STIP1: variants seen among roughly 807,000 people sequenced by gnomAD.
The protein encoded by STIP1 is stress induced phosphoprotein 1.
STIP1 carries 16 observed loss-of-function variants against 77.4 expected under a neutral mutation model. That is an observed-to-expected ratio of 0.21 (90% CI 0.14 to 0.31). The LOEUF (loss-of-function observed/expected upper bound fraction) is 0.31. Among genes scored for constraint, STIP1 ranks in the 10% least tolerant of loss-of-function variants. STIP1 has a pLI of 1.00. For synonymous variants in STIP1, 258 were observed against 246.6 expected, an observed-to-expected ratio of 1.05 and a Z score of -0.44; for missense variants, 524 against 684.8, an observed-to-expected ratio of 0.77 and a Z score of 2.62.
chr11:64,192,818 G>A (rs970602673), intron 1 of STIP1, among the ~76,000 whole-genome samples: 4 of 152,220 alleles, frequency 2.6e-5, no homozygotes, highest in Admixed American at 1.3e-4. Flanking sequence ...TGTGGAGACC[G>A]GAAGAGTGGC....
intron 1 of STIP1, among the ~76,000 whole-genome samples, chr11:64,187,966 G>A (rs1418247400): frequency 1.3e-5 from 2 of 149,318 alleles, no homozygotes; most frequent in Non-Finnish European, 3.0e-5. Context: ...TTGCGCCACT[G>A]CACTCCAGCC....
In STIP1 at chr11:64,193,871, C is replaced by T. The variant is rs12280435; in HGVS notation, c.220-318C>T. Among the ~76,000 whole-genome samples the T allele has an allele frequency of 7.3e-3, 1,104 of 152,012 alleles. 9 individuals carry two copies. The highest frequency in any genetic ancestry group is 0.023 in the African/African-American group (973 of 41,456). ...GTTGAGGCAGGAGGATTACTGGAGC[C>T]CAAAGGTTTGGGACCAGCCTGGGTA... On this transcript the variant is annotated intron_variant, in intron 2 of 13. Coordinates refer to ENST00000305218, the MANE Select transcript of STIP1 (RefSeq NM_006819.3).
In STIP1 at chr11:64,196,832, T is replaced by C. The variant is rs149733966; in HGVS notation, c.673-439T>C. Reference sequence around the variant, plus strand: ...GGTAGTGAGCTTTGCTGAAGACTCGTGCCACTCAGCCGCTTCTCATCCTCT... The same window carrying C: ...GGTAGTGAGCTTTGCTGAAGACTCGCGCCACTCAGCCGCTTCTCATCCTCT... On this transcript the variant is annotated intron_variant, in intron 5 of 13. Coordinates refer to ENST00000305218, the MANE Select transcript of STIP1 (RefSeq NM_006819.3). 6.4e-3 allele frequency: 1,086 copies of C among 169,848 alleles called. 8 individuals are homozygous for C. Among genetic ancestry groups the C allele is most frequent in the Non-Finnish European group, 0.01 (808 of 77,536 alleles). The allele number at this position is 169,848 out of a possible 1,614,324, so 10.5% of individuals were successfully genotyped here.
At chr11:64,196,785 A>G (rs1946155392) in intron 5 of STIP1, 1 of 158,374 alleles carries the variant, frequency 6.3e-6, no homozygotes, top group African/African-American at 2.4e-5. Context: ...TCTCAGCTGG[A>G]AAAAGGCCCT....
chr11:64,186,207 T>G lies in STIP1; in HGVS notation c.-55T>G, dbSNP rs1048895685. On this transcript the variant is annotated 5_prime_UTR_variant, in exon 1 of 14. Transcript: ENST00000305218. ...GGTTCCAGAAGGCGGCGCGTGCGGT[T>G]GGGAACGCGGAGCGGACGGATTCGA... 1.3e-6 allele frequency: 2 copies of G among 1,550,166 alleles called. No individual in the cohort carries two copies. The highest frequency in any genetic ancestry group is 1.2e-5 in the South Asian group (1 of 84,032).
chr11:64,195,751 C>A lies in STIP1; in HGVS notation c.610C>A (p.Pro204Thr). 5 of 1,614,080 alleles carry A rather than the reference C, an allele frequency of 3.1e-6. No homozygotes were observed. Among genetic ancestry groups the A allele is most frequent in the Non-Finnish European group, 4.2e-6 (5 of 1,180,016 alleles). Residue 204 changes from proline to threonine, a missense_variant, in exon 5 of 14, where the codon CCT becomes ACT. Coordinates refer to ENST00000305218, the MANE Select transcript of STIP1 (RefSeq NM_006819.3). ...GATTGCAACACCTCCACCACCACCC[C>A]CTCCCAAAAAGGAGACCAAGCCAGA... ...EEIATPPPPP[P>T]PKKETKPEPM...
chr11:64,198,804 C>G (rs1946180917), intron 8 of STIP1, among the ~76,000 whole-genome samples: 1 of 146,064 alleles, frequency 6.8e-6, no homozygotes, highest in African/African-American at 2.5e-5. Flanking sequence ...GATTTCAACC[C>G]TAAATGTGTT....
At chr11:64,198,887 T>C (rs1946181974) in intron 8 of STIP1, among the ~76,000 whole-genome samples, 2 of 151,862 alleles carry the variant, frequency 1.3e-5, no homozygotes, top group Admixed American at 6.6e-5. Flanking sequence ...TTATAAAGAC[T>C]GTAAATTTCT....
chr11:64,199,502 A>T (rs539760670), intron 8 of STIP1, among the ~76,000 whole-genome samples: 4 of 131,152 alleles, frequency 3.0e-5, no homozygotes, highest in African/African-American at 1.1e-4. Context: ...GCGAGACTCT[A>T]TCTCAAAAAA....
chr11:64,193,121 G>T lies in STIP1; in HGVS notation c.53G>T (p.Gly18Val). The change falls in exon 2 of 14, where the codon GGT becomes GTT. Residue 18 changes from glycine to valine, a missense_variant. Coordinates refer to ENST00000305218, the MANE Select transcript of STIP1 (RefSeq NM_006819.3). Reference protein sequence around the residue: ...KEKGNKALSVGNIDDALQCYS... With the variant: ...KEKGNKALSVVNIDDALQCYS... ...AAAGGCAACAAGGCCCTGAGCGTGGGTAACATCGATGATGCCTTACAGTGC... is the reference window on the plus strand; with the variant it reads ...AAAGGCAACAAGGCCCTGAGCGTGGTTAACATCGATGATGCCTTACAGTGC... 6.2e-7 allele frequency: 1 copy of T among 1,614,162 alleles called. No homozygotes were observed. Among genetic ancestry groups the T allele is most frequent in the East Asian group, 2.2e-5 (1 of 44,892 alleles).
chr11:64,193,945 C>G (rs1373073599), intron 2 of STIP1, among the ~76,000 whole-genome samples: 1 of 152,180 alleles, frequency 6.6e-6, no homozygotes, highest in Admixed American at 6.5e-5. Flanking sequence ...AAAAGTGTTG[C>G]CAAAGAAACT....
At chr11:64,198,992 G>A (rs1358889903) in intron 8 of STIP1, among the ~76,000 whole-genome samples, 1 of 150,676 alleles carries the variant, frequency 6.6e-6, no homozygotes, top group African/African-American at 2.4e-5. Context: ...AAGGTCAGGA[G>A]TTCAAGACCA....
intron 10 of STIP1, chr11:64,202,423 T>G (rs1448409376): frequency 1.3e-5 from 2 of 149,942 alleles, no homozygotes; most frequent in Non-Finnish European, 3.0e-5. Context: ...TTTTTTTTTT[T>G]TTTTAGTAGA....
chr11:64,198,126 G>C, intron 8 of STIP1, 152 bp downstream of exon 8: 1 of 1,129,526 alleles, frequency 8.9e-7, no homozygotes, highest in Non-Finnish European at 1.2e-6. Context: ...TGGCACAATC[G>C]TGGCTCACTG....
chr11:64,198,910 C>G (rs575093108), intron 8 of STIP1, among the ~76,000 whole-genome samples: 1 of 152,042 alleles, frequency 6.6e-6, no homozygotes, highest in Admixed American at 6.6e-5. Context: ...TAAAATCTTG[C>G]CAGCAATAGC....
chr11:64,195,191 G>T (rs1217818469), intron 4 of STIP1, among the ~76,000 whole-genome samples: 1 of 152,082 alleles, frequency 6.6e-6, no homozygotes, highest in Admixed American at 6.6e-5. Flanking sequence ...TCAGTTCGCT[G>T]CAACTTCCAC....
chr11:64,195,617 T>C, intron 4 of STIP1, 28 bp from the exon 5 acceptor site: 1 of 1,539,712 alleles, frequency 6.5e-7, no homozygotes, highest in Non-Finnish European at 8.7e-7. Flanking sequence ...AATTACAATT[T>C]TTCTTTATTT....
Position 64,193,283 on chromosome 11 carries a change from G to T in STIP1, c.215G>T (p.Gly72Val). 1.2e-6 allele frequency: 2 copies of T among 1,614,206 alleles called. No homozygotes were observed. Among genetic ancestry groups the T allele is most frequent in the South Asian group, 1.1e-5 (1 of 91,084 alleles). The change falls in exon 2 of 14, where the codon GGC becomes GTC. Residue 72 changes from glycine to valine, a missense_variant. Gly to Val is a moderately radical substitution (Grantham distance 109). Coordinates refer to ENST00000305218, the MANE Select transcript of STIP1 (RefSeq NM_006819.3). Reference sequence around the variant, plus strand: ...ACTGTCGACCTAAAGCCTGACTGGGGCAAGGTCAGCTGTGGGCAGTGGAGG... The same window carrying T: ...ACTGTCGACCTAAAGCCTGACTGGGTCAAGGTCAGCTGTGGGCAGTGGAGG... Reference protein sequence around the residue: ...CKTVDLKPDWGKGYSRKAAAL... With the variant: ...CKTVDLKPDWVKGYSRKAAAL...
chr11:64,195,406 G>A (rs549154707), intron 4 of STIP1, among the ~76,000 whole-genome samples: 7 of 152,276 alleles, frequency 4.6e-5, no homozygotes, highest in African/African-American at 7.2e-5. Context: ...GTGAGCCACC[G>A]TGCTCCGCTA....
Sources: allele counts gnomAD v4.1 joint callset (sites outside exome capture counted in the v4.1 genomes callset), GRCh38; gene constraint gnomAD v4.1.1; transcripts MANE v1.5; gene names NCBI Gene and HGNC (gene_info 2026-07-23, HGNC 2026-07-21).